Variants in RPH3A observed in about 807,000 individuals in gnomAD.
The protein encoded by RPH3A is rabphilin-3A.
RPH3A carries 48 observed loss-of-function variants against 102.2 expected under a neutral mutation model. The observed-to-expected ratio is 0.47, with a 90% CI of 0.37 to 0.60. The LOEUF (loss-of-function observed/expected upper bound fraction) is 0.60. Among genes scored for constraint, RPH3A ranks in the 20% least tolerant of loss-of-function variants. The pLI, the probability that RPH3A is intolerant of heterozygous loss-of-function variation, is 0.00. For synonymous variants in RPH3A, 310 were observed against 324.3 expected, an observed-to-expected ratio of 0.96 and a Z score of 0.47; for missense variants, 781 against 910.1, an observed-to-expected ratio of 0.86 and a Z score of 1.83.
intron 1 of RPH3A, among the ~76,000 whole-genome samples, chr12:112,609,943 C>T (rs898281735): frequency 6.6e-5 from 10 of 152,184 alleles, no homozygotes; most frequent in African/African-American, 1.2e-4. Context: ...TTTGCAGCCT[C>T]GCTTGAAATC....
At chr12:112,701,328 G>GA (rs1377700696) in intron 1 of RPH3A, among the ~76,000 whole-genome samples, 1 of 152,206 alleles carries the variant, frequency 6.6e-6, no homozygotes, top group Non-Finnish European at 1.5e-5. Flanking sequence ...GCGGGAAGTT[G>GA]AAAAAGTTCA....
chr12:112,695,871 A>G (rs73419257), intron 1 of RPH3A, among the ~76,000 whole-genome samples: 2 of 152,096 alleles, frequency 1.3e-5, no homozygotes, highest in Non-Finnish European at 2.9e-5. Flanking sequence ...TTTTGAGGGT[A>G]CAGGTGGTTT....
At chr12:112,687,919 T>C (rs183495731) in intron 1 of RPH3A, among the ~76,000 whole-genome samples, 4 of 152,204 alleles carry the variant, frequency 2.6e-5, no homozygotes, top group Non-Finnish European at 5.9e-5. Flanking sequence ...TAGGAATATC[T>C]ACTCCCTTTA....
intron 5 of RPH3A, among the ~76,000 whole-genome samples, chr12:112,855,309 G>A (rs961699150): frequency 1.5e-4 from 23 of 152,172 alleles, no homozygotes; most frequent in African/African-American, 5.6e-4. Flanking sequence ...AATGCATATA[G>A]AGTACTTAGC....
intron 1 of RPH3A, among the ~76,000 whole-genome samples, chr12:112,590,120 G>C (rs574815287): frequency 1.3e-5 from 2 of 151,816 alleles, no homozygotes; most frequent in Non-Finnish European, 2.9e-5. Flanking sequence ...TAATAATAGG[G>C]CCAGGCTCTG....
chr12:112,879,031 C>A, intron 13 of RPH3A, 88 bp from the exon 14 acceptor site: 1 of 1,194,640 alleles, frequency 8.4e-7, no homozygotes, highest in South Asian at 1.3e-5. Context: ...AATTCACAGC[C>A]CAGCCTGGGC....
chr12:112,808,987 T>C (rs935949922), intron 2 of RPH3A, among the ~76,000 whole-genome samples: 22 of 152,146 alleles, frequency 1.4e-4, no homozygotes, highest in African/African-American at 5.1e-4. Flanking sequence ...AGTTTCTTCT[T>C]TAGTTGGTTT....
At chr12:112,775,316 T>C (rs187034535) in intron 1 of RPH3A, among the ~76,000 whole-genome samples, 8 of 152,272 alleles carry the variant, frequency 5.3e-5, no homozygotes. Context: ...TGTTTAAGTG[T>C]AATAATAAGC....
At chr12:112,647,319 G>A (rs149815782) in intron 1 of RPH3A, among the ~76,000 whole-genome samples, 39 of 152,240 alleles carry the variant, frequency 2.6e-4, no homozygotes, top group African/African-American at 8.4e-4. Context: ...GACCCTGAGC[G>A]AGTCTCTCTA....
At chr12:112,685,059 C>G (rs1269955631) in intron 1 of RPH3A, among the ~76,000 whole-genome samples, 1 of 152,230 alleles carries the variant, frequency 6.6e-6, no homozygotes, top group African/African-American at 2.4e-5. Flanking sequence ...CGCTCACCAC[C>G]TTCAGTAGCT....
chr12:112,890,133 C>T (rs753581030), intron 18 of RPH3A, 53 bp downstream of exon 18: 3 of 1,491,216 alleles, frequency 2.0e-6, no homozygotes, highest in Non-Finnish European at 2.8e-6. Flanking sequence ...CTGGGCTAGG[C>T]TAGCATCTTC....
chr12:112,881,876 C>A, intron 15 of RPH3A, 30 bp downstream of exon 15: 1 of 1,580,490 alleles, frequency 6.3e-7, no homozygotes, highest in Non-Finnish European at 8.7e-7. Flanking sequence ...TCTCTGCAAA[C>A]CGGGTGCATG....
chr12:112,796,389 C>T (rs1165684974), intron 2 of RPH3A, among the ~76,000 whole-genome samples: 1 of 152,166 alleles, frequency 6.6e-6, no homozygotes, highest in Non-Finnish European at 1.5e-5. Context: ...GGGTGAGATC[C>T]TTAAGGGCCA....
intron 1 of RPH3A, among the ~76,000 whole-genome samples, chr12:112,732,333 A>T (rs989799619): frequency 6.6e-6 from 1 of 152,178 alleles, no homozygotes; most frequent in Admixed American, 6.5e-5. Flanking sequence ...TCAGGCTTTG[A>T]AGTCCAACAC....
chr12:112,895,696 C>G (rs2043168437), intron 20 of RPH3A, 81 bp from the exon 21 acceptor site: 1 of 939,720 alleles, frequency 1.1e-6, no homozygotes, highest in Non-Finnish European at 1.7e-6. Flanking sequence ...TGGCCCATAA[C>G]CCCTAGGACT....
intron 2 of RPH3A, among the ~76,000 whole-genome samples, chr12:112,811,535 C>CA (rs1023747235): frequency 6.7e-6 from 1 of 149,552 alleles, no homozygotes; most frequent in African/African-American, 2.4e-5. Flanking sequence ...AGAACCCCCC[C>CA]CCCAAAAAAA....
chr12:112,603,881 C>T (rs899117664), intron 1 of RPH3A, among the ~76,000 whole-genome samples: 3 of 152,098 alleles, frequency 2.0e-5, no homozygotes, highest in Non-Finnish European at 2.9e-5. Flanking sequence ...ACCCAGCCCC[C>T]CAGCATACTG....
At position 112,672,045 on chromosome 12, in the gene RPH3A, T is replaced by A. The variant is rs914892716; in HGVS notation, c.-140+96726T>A. Among the ~76,000 whole-genome samples, 3 of 150,690 alleles carry A rather than the reference T, an allele frequency of 2.0e-5. No individual in the cohort carries two copies. In the East Asian group the frequency reaches 5.8e-4, roughly 29 times the overall value. On this transcript the variant is annotated intron_variant, in intron 1 of 21. Coordinates refer to the RPH3A transcript ENST00000543106. The stretch of plus-strand genomic sequence containing the variant: ...ACTTAAATATATATATATTTATATA[T>A]ATATATATGAGAGAGATTGAGATTG...
intron 2 of RPH3A, among the ~76,000 whole-genome samples, chr12:112,797,339 T>C (rs544467000): frequency 6.6e-6 from 1 of 152,238 alleles, no homozygotes; most frequent in South Asian, 2.1e-4. Context: ...CTTGGTTTCT[T>C]GGAGCAGGGG....
Sources: allele counts gnomAD v4.1 joint callset (sites outside exome capture counted in the v4.1 genomes callset), GRCh38; gene constraint gnomAD v4.1.1; transcripts MANE v1.5; gene names NCBI Gene and HGNC (gene_info 2026-07-23, HGNC 2026-07-21).